The following CDC40 variants were observed in gnomAD, a reference collection of about 807,000 sequenced individuals.
The protein encoded by CDC40 is cell division cycle 40, also known as pre-mRNA-processing factor 17.
CDC40 carries 27 observed loss-of-function variants against 80.6 expected under a neutral mutation model. The ratio of observed to expected loss-of-function variants is 0.33; its 90% CI spans 0.25 to 0.46. The LOEUF (loss-of-function observed/expected upper bound fraction) is 0.46, where lower values mean the gene tolerates loss of function less well. Among genes scored for constraint, CDC40 ranks in the 20% least tolerant of loss-of-function variants. CDC40 has a pLI of 1.00. For missense variants in CDC40, 486 were observed against 694.1 expected, an observed-to-expected ratio of 0.70 and a Z score of 3.37; for synonymous variants, 221 against 232.6, an observed-to-expected ratio of 0.95 and a Z score of 0.45.
chr6:110,201,777 A>G, intron 3 of CDC40, 90 bp downstream of exon 3: 1 of 1,045,450 alleles, frequency 9.6e-7, no homozygotes, highest in East Asian at 2.5e-5. Context: ...CTGGCTTTTA[A>G]AATTCACTGG....
intron 1 of CDC40, among the ~76,000 whole-genome samples, chr6:110,183,701 C>T (rs78485788): frequency 0.073 from 11,086 of 152,270 alleles, 547 homozygotes; most frequent in African/African-American, 0.14. Context: ...ATATATTCAT[C>T]TGTAGTTGAC....
intron 11 of CDC40, 81 bp from the exon 12 acceptor site, chr6:110,219,652 TCTC>T: frequency 2.1e-6 from 3 of 1,456,728 alleles, no homozygotes; most frequent in South Asian, 2.5e-5. Context: ...TTGAAGATCT[TCTC>T]CTTCTCCACT....
Position 110,208,904 on chromosome 6 carries a change from A to G in CDC40, c.491-180A>G, listed in dbSNP as rs957015004. 2.4e-4 allele frequency among the ~76,000 whole-genome samples: 37 copies of G among 152,194 alleles called. 1 individual carries two copies. Among genetic ancestry groups the G allele is most frequent in the African/African-American group, 8.9e-4 (37 of 41,456 alleles). On this transcript the variant is annotated intron_variant, in intron 4 of 14. Transcript: ENST00000307731. Reference sequence around the variant, plus strand: ...AAGGTTGAATCCCTTTTTCTGTAGCATGAGTCAGCGTATATGGTAGATTCA... The same window carrying G: ...AAGGTTGAATCCCTTTTTCTGTAGCGTGAGTCAGCGTATATGGTAGATTCA...
rs1482224461 is a variant in CDC40, at chr6:110,212,763, C to G, written c.868-323C>G. ...GATATTCTTTGTCATCTGTACTATT[C>G]CAACTTATAATTTCCAACTCTTTGC... On this transcript the variant is annotated intron_variant, in intron 7 of 14. Transcript: ENST00000307731. 2.6e-5 allele frequency among the ~76,000 whole-genome samples: 4 copies of G among 151,982 alleles called. No homozygotes were observed. The East Asian group carries it at 7.7e-4, about 29-fold the overall frequency.
chr6:110,216,874 T>C (rs1228251517), intron 9 of CDC40, among the ~76,000 whole-genome samples: 1 of 152,162 alleles, frequency 6.6e-6, no homozygotes, highest in Non-Finnish European at 1.5e-5. Flanking sequence ...TTAAAATTAG[T>C]GTATTATCAA....
intron 1 of CDC40, among the ~76,000 whole-genome samples, chr6:110,181,782 AGTGAT>A (rs1333673770): frequency 6.6e-6 from 1 of 152,134 alleles, no homozygotes; most frequent in Non-Finnish European, 1.5e-5. Context: ...ACTGTCTGTG[AGTGAT>A]GTCCCAGGCC....
chr6:110,184,355 C>T (rs1452576666), intron 1 of CDC40, among the ~76,000 whole-genome samples: 11 of 133,882 alleles, frequency 8.2e-5, no homozygotes, highest in East Asian at 2.2e-4. Context: ...ATGTTATGTC[C>T]GTTCATTTGT....
At chr6:110,184,945 TAAA>T (rs1777245497) in intron 1 of CDC40, among the ~76,000 whole-genome samples, 1 of 152,252 alleles carries the variant, frequency 6.6e-6, no homozygotes, top group East Asian at 1.9e-4. Flanking sequence ...ATAGAACAAG[TAAA>T]AACATATCAG....
chr6:110,219,436 A>G lies in CDC40; in HGVS notation c.1163A>G (p.Gln388Arg), dbSNP rs1447198241. 6.2e-7 allele frequency: 1 copy of G among 1,610,224 alleles called. No individual in the cohort carries two copies. Residue 388 changes from glutamine (Q) to arginine (R), a missense_variant, in exon 11 of 15, where the codon CAA becomes CGA. Gln to Arg is a conservative substitution (Grantham distance 43). This residue lies in a region of CDC40 where 381 missense variants were observed against 492.1 expected (regional missense o/e 0.77). Coordinates refer to ENST00000307731, the MANE Select transcript of CDC40 (RefSeq NM_015891.3). ...AAATTCAATCCTGATGAAGATAAGC[A>G]AAATCTCTTTGTGGCTGGGATGTCT... ...CVKFNPDEDK[Q>R]NLFVAGMSDK...
chr6:110,201,470 C>A, intron 2 of CDC40, 88 bp from the exon 3 acceptor site: 2 of 985,576 alleles, frequency 2.0e-6, no homozygotes, highest in Non-Finnish European at 2.9e-6. Flanking sequence ...TTTTTTTGTA[C>A]AGTTATTCCA....
intron 2 of CDC40, among the ~76,000 whole-genome samples, chr6:110,197,342 T>C (rs1400728704): frequency 2.0e-5 from 3 of 152,242 alleles, no homozygotes; most frequent in African/African-American, 4.8e-5. Flanking sequence ...ATATTTACAA[T>C]GTACAATGTG....
rs149885076 is a variant in CDC40 at position 110,199,366 on chromosome 6, C to T, written c.277-2192C>T. ...ATCCCAGCACTTTGGGAGGCAGAGGCGGGCGGATACGAGGTCAGGAGATCG... is the reference window on the plus strand; with the variant it reads ...ATCCCAGCACTTTGGGAGGCAGAGGTGGGCGGATACGAGGTCAGGAGATCG... On this transcript the variant is annotated intron_variant, in intron 2 of 14. Transcript: ENST00000307731. 5.3e-3 allele frequency among the ~76,000 whole-genome samples: 797 copies of T among 151,488 alleles called. 8 individuals carry two copies. The highest frequency in any genetic ancestry group is 0.019 in the African/African-American group (776 of 41,270).
intron 8 of CDC40, among the ~76,000 whole-genome samples, chr6:110,215,084 T>G (rs1349511545): frequency 6.6e-6 from 1 of 152,222 alleles, no homozygotes; most frequent in Non-Finnish European, 1.5e-5. Flanking sequence ...TGACTCTGTG[T>G]GTGTGTGTTC....
chr6:110,196,929 A>C (rs769099044), intron 2 of CDC40, among the ~76,000 whole-genome samples: 13 of 152,196 alleles, frequency 8.5e-5, no homozygotes, highest in Non-Finnish European at 1.8e-4. Context: ...ATGTACCAAC[A>C]ATCTAGTATA....
intron 10 of CDC40, 81 bp from the exon 11 acceptor site, chr6:110,219,283 T>G: frequency 4.9e-6 from 3 of 615,058 alleles, no homozygotes; most frequent in Non-Finnish European, 8.7e-6. Flanking sequence ...ATTAAGCAGG[T>G]GACCTCTAGA....
At chr6:110,181,133 T>C (rs1049172191) in intron 1 of CDC40, among the ~76,000 whole-genome samples, 3 of 152,076 alleles carry the variant, frequency 2.0e-5, no homozygotes, top group Admixed American at 2.0e-4. Context: ...AAAAGATGAG[T>C]GTGAAAATTG....
intron 12 of CDC40, among the ~76,000 whole-genome samples, 155 bp downstream of exon 12, chr6:110,220,024 T>G (rs994372358): frequency 6.6e-6 from 1 of 152,250 alleles, no homozygotes; most frequent in African/African-American, 2.4e-5. Context: ...ATTTAAGTAC[T>G]GACAATATGC....
At chr6:110,215,079 C>CTG (rs549675821) in intron 8 of CDC40, among the ~76,000 whole-genome samples, 2 of 152,006 alleles carry the variant, frequency 1.3e-5, no homozygotes, top group Admixed American at 6.6e-5. Flanking sequence ...GTGTGTGACT[C>CTG]TGTGTGTGTG....
At chr6:110,190,912 G>A (rs772663338) in intron 1 of CDC40, among the ~76,000 whole-genome samples, 1 of 152,136 alleles carries the variant, frequency 6.6e-6, no homozygotes, top group Non-Finnish European at 1.5e-5. Flanking sequence ...TTCCTCGGGC[G>A]CTGACAACCC....
Sources: allele counts gnomAD v4.1 joint callset (sites outside exome capture counted in the v4.1 genomes callset), GRCh38; gene constraint gnomAD v4.1.1; regional missense constraint gnomAD v4.1.1; transcripts MANE v1.5; gene names NCBI Gene and HGNC (gene_info 2026-07-23, HGNC 2026-07-21).